The following ENOX2 variants were observed in gnomAD, a reference collection of about 807,000 sequenced individuals.
ENOX2 encodes the protein ecto-NOX disulfide-thiol exchanger 2.
ENOX2 carries 36 observed loss-of-function variants against 45.0 expected under a neutral mutation model. The observed-to-expected ratio is 0.80, with a 90% CI of 0.61 to 1.06. The LOEUF (loss-of-function observed/expected upper bound fraction) is 1.06. Among genes scored for constraint, ENOX2 ranks in the 50% least tolerant of loss-of-function variants. The pLI is 0.00. For missense variants in ENOX2, 423 were observed against 462.5 expected, an observed-to-expected ratio of 0.91 and a Z score of 0.78; for synonymous variants, 174 against 152.3, an observed-to-expected ratio of 1.14 and a Z score of -1.05.
chrX:130,843,566 T>C (rs1320177563), intron 2 of ENOX2, among the ~76,000 whole-genome samples: 1 of 111,568 alleles, frequency 9.0e-6, no homozygotes, highest in Admixed American at 9.5e-5. Context: ...CCTGCATATC[T>C]CTACAGTCTC....
intron 4 of ENOX2, among the ~76,000 whole-genome samples, chrX:130,702,171 A>G (rs1321747766): frequency 9.0e-6 from 1 of 111,628 alleles, no homozygotes; most frequent in Non-Finnish European, 1.9e-5. Flanking sequence ...GTAGCTAACT[A>G]TATAAATAAA....
rs182462441 is a variant in ENOX2 at position 130,832,897 on chromosome X, G to A, written c.-182-49207C>T. Among the ~76,000 whole-genome samples the A allele has an allele frequency of 3.6e-5, 4 of 110,303 alleles. No individual in the cohort carries two copies. The East Asian group carries it at 1.1e-3, about 31-fold the overall frequency. The stretch of plus-strand genomic sequence containing the variant: ...TCAAATGCTTTGGGATTAGGTGTGA[G>A]GAAATCTTGAATTACATACCTAAAT... On this transcript the variant is annotated intron_variant, in intron 2 of 14. Coordinates refer to ENST00000394363, the MANE Select transcript of ENOX2 (RefSeq NM_006375.4).
rs762145213 is a variant in ENOX2, at chrX:130,850,844, T to C, written c.-183+50840A>G. Among the ~76,000 whole-genome samples the C allele has an allele frequency of 7.1e-5, 8 of 112,034 alleles. No homozygotes were observed. In the South Asian group the frequency reaches 3.0e-3, roughly 41 times the overall value. On this transcript the variant is annotated intron_variant, in intron 2 of 14. Transcript: ENST00000394363. Reference sequence around the variant, plus strand: ...TACTAGTGGGAAGAGAGCAGGGAGATCAAGAAGGCAGCAGCTGCTTTCCTT... The same window carrying C: ...TACTAGTGGGAAGAGAGCAGGGAGACCAAGAAGGCAGCAGCTGCTTTCCTT...
At chrX:130,820,751 T>C (rs1036210123) in intron 2 of ENOX2, among the ~76,000 whole-genome samples, 3 of 112,313 alleles carry the variant, frequency 2.7e-5, no homozygotes, top group Non-Finnish European at 3.8e-5. Flanking sequence ...ATGTGGAATC[T>C]ACAAAAATTA....
intron 2 of ENOX2, among the ~76,000 whole-genome samples, chrX:130,807,060 T>G (rs1186903632): frequency 8.9e-6 from 1 of 111,919 alleles, no homozygotes; most frequent in Non-Finnish European, 1.9e-5. Context: ...TTGACCTAAT[T>G]TTACTCATTT....
At chrX:130,723,876 G>A (rs1207555348) in intron 3 of ENOX2, among the ~76,000 whole-genome samples, 1 of 111,208 alleles carries the variant, frequency 9.0e-6, no homozygotes, top group African/African-American at 3.3e-5. Context: ...TAGCTAACCG[G>A]GCACCCTTGC....
intron 9 of ENOX2, among the ~76,000 whole-genome samples, chrX:130,657,333 C>A (rs2036574835): frequency 8.9e-6 from 1 of 111,735 alleles, no homozygotes; most frequent in Non-Finnish European, 1.9e-5. Flanking sequence ...TAGGGTGAGT[C>A]TCTCAGTTTT....
rs752737844 is a variant in ENOX2, at chrX:130,708,641, T to G, written c.-38-5387A>C. On this transcript the variant is annotated intron_variant, in intron 3 of 14. Transcript: ENST00000394363. ...AAATTGCTTATTCCTCCTTGTTATT[T>G]CTAGTGCCTAGACACAGTGTCTGAC... is the stretch of plus-strand genomic sequence containing the variant. Among the ~76,000 whole-genome samples the G allele has an allele frequency of 3.6e-5, 4 of 112,494 alleles. No homozygotes were observed. In the East Asian group the frequency reaches 1.1e-3, roughly 31 times the overall value.
At chrX:130,653,384 C>G (rs1188125914) in intron 10 of ENOX2, among the ~76,000 whole-genome samples, 2 of 112,128 alleles carry the variant, frequency 1.8e-5, no homozygotes, top group African/African-American at 6.5e-5. Context: ...ATATTGCTTA[C>G]TATGCGAAAT....
At chrX:130,838,331 G>A (rs1314717535) in intron 2 of ENOX2, among the ~76,000 whole-genome samples, 1 of 111,860 alleles carries the variant, frequency 8.9e-6, no homozygotes, top group Non-Finnish European at 1.9e-5. Flanking sequence ...GCAGTGAGCC[G>A]AGATCGCGCC....
intron 2 of ENOX2, among the ~76,000 whole-genome samples, chrX:130,857,043 T>C (rs756243523): frequency 9.0e-6 from 1 of 111,389 alleles, no homozygotes; most frequent in African/African-American, 3.3e-5. Context: ...CAGAGAAAAA[T>C]TGGAAAAAGC....
At chrX:130,679,019 A>G (rs2037228445) in intron 6 of ENOX2, among the ~76,000 whole-genome samples, 1 of 111,373 alleles carries the variant, frequency 9.0e-6, no homozygotes, top group South Asian at 3.8e-4. Flanking sequence ...AGCATGGTAC[A>G]GTAGGTGTCA....
intron 3 of ENOX2, among the ~76,000 whole-genome samples, chrX:130,719,460 GAAAA>G (rs1218133442): frequency 1.7e-5 from 1 of 59,843 alleles, no homozygotes; most frequent in Non-Finnish European, 3.4e-5. Flanking sequence ...CTGCTGCTAA[GAAAA>G]AAAAAAAAAA....
intron 10 of ENOX2, among the ~76,000 whole-genome samples, chrX:130,654,832 G>T (rs981251679): frequency 3.6e-5 from 4 of 112,169 alleles, no homozygotes; most frequent in Non-Finnish European, 1.9e-5. Flanking sequence ...ATTCTGTGCA[G>T]TAGCCAATAC....
intron 4 of ENOX2, among the ~76,000 whole-genome samples, 192 bp from the exon 5 acceptor site, chrX:130,689,210 T>C (rs762663321): frequency 8.0e-5 from 9 of 112,038 alleles, no homozygotes; most frequent in Non-Finnish European, 1.5e-4. Context: ...GATGGGGCTG[T>C]TTGGTTTGAC....
At chrX:130,679,403 T>C (rs765865773) in intron 6 of ENOX2, 139 bp downstream of exon 6, 5 of 518,490 alleles carry the variant, frequency 9.6e-6, no homozygotes, top group Non-Finnish European at 1.7e-5. Context: ...AGAAGTTGAA[T>C]GGGAACATTC....
chrX:130,777,787 TG>T (rs1363908614), intron 3 of ENOX2, among the ~76,000 whole-genome samples: 4 of 112,097 alleles, frequency 3.6e-5, no homozygotes, highest in Admixed American at 2.8e-4. Context: ...AACTTCACAC[TG>T]GATTTCTTCT....
At chrX:130,648,626 A>G (rs1357248890) in intron 10 of ENOX2, among the ~76,000 whole-genome samples, 1 of 110,929 alleles carries the variant, frequency 9.0e-6, no homozygotes, top group Non-Finnish European at 1.9e-5. Context: ...CAAAATGCAT[A>G]TTGAAATTTT....
intron 2 of ENOX2, among the ~76,000 whole-genome samples, chrX:130,874,439 T>G (rs1229027135): frequency 8.9e-6 from 1 of 111,975 alleles, no homozygotes; most frequent in Non-Finnish European, 1.9e-5. Flanking sequence ...TGGAGGGGAA[T>G]GGGTCAACTA....
Sources: allele counts gnomAD v4.1 joint callset (sites outside exome capture counted in the v4.1 genomes callset), GRCh38; gene constraint gnomAD v4.1.1; transcripts MANE v1.5; gene names NCBI Gene and HGNC (gene_info 2026-07-23, HGNC 2026-07-21).